Variants in C1orf159 observed in about 807,000 individuals in gnomAD.
C1orf159 encodes the protein chromosome 1 open reading frame 159.
In C1orf159, 19 loss-of-function variants were observed where a neutral mutation model predicts 25.6. That is an observed-to-expected ratio of 0.74 (90% CI 0.52 to 1.09). The LOEUF (loss-of-function observed/expected upper bound fraction) is 1.09, where lower values mean the gene tolerates loss of function less well. Among genes scored for constraint, C1orf159 ranks in the 50% least tolerant of loss-of-function variants. The probability of loss-of-function intolerance (pLI) is 0.00; values close to 1 mark genes in which losing one functional copy is unlikely to be tolerated. For missense variants in C1orf159, 274 were observed against 290.6 expected, an observed-to-expected ratio of 0.94 and a Z score of 0.42; for synonymous variants, 139 against 124.7, an observed-to-expected ratio of 1.12 and a Z score of -0.77.
chr1:1,083,669 C>T (rs1244310793), intron 9 of C1orf159: 1 of 557,904 alleles, frequency 1.8e-6, no homozygotes, highest in East Asian at 3.2e-5. Context: ...GCTGGCAGCC[C>T]CGGGGCACTC....
chr1:1,104,719 C>A (rs1194281609), intron 1 of C1orf159, among the ~76,000 whole-genome samples: 1 of 151,922 alleles, frequency 6.6e-6, no homozygotes, highest in Non-Finnish European at 1.5e-5. Flanking sequence ...TGCTTGAGCC[C>A]AGGAGTTCGA....
chr1:1,107,152 C>G (rs529718328), intron 1 of C1orf159, among the ~76,000 whole-genome samples: 51 of 152,398 alleles, frequency 3.3e-4, no homozygotes, highest in African/African-American at 1.2e-3. Flanking sequence ...GTGTAGCGCA[C>G]GGCACTGGAC....
At position 1,082,096 on chromosome 1, in the gene C1orf159, T is replaced by C; in HGVS notation, c.*797A>G. On this transcript the variant is annotated 3_prime_UTR_variant, in exon 10 of 10. Coordinates refer to ENST00000421241, the MANE Select transcript of C1orf159 (RefSeq NM_017891.5). ...GGAACTCCGGGAGGGACCCCAGGAC[T>C]CAGCGCCAGGGCAGCCTTGGCAGGT... 1 of 152,528 alleles carries C rather than the reference T, an allele frequency of 6.6e-6. No homozygotes were observed. Among genetic ancestry groups the C allele is most frequent in the South Asian group, 2.1e-4 (1 of 4,840 alleles). The allele number at this position is 152,528 out of a possible 1,614,324, so 9.4% of individuals were successfully genotyped here.
At chr1:1,109,923 T>C (rs1409678845) in intron 1 of C1orf159, among the ~76,000 whole-genome samples, 3 of 152,122 alleles carry the variant, frequency 2.0e-5, no homozygotes, top group Non-Finnish European at 2.9e-5. Context: ...GAGGAAGTTA[T>C]GGAAAGTGAC....
intron 9 of C1orf159, 76 bp from the exon 10 acceptor site, chr1:1,083,063 G>A (rs960175013): frequency 2.2e-5 from 28 of 1,270,206 alleles, no homozygotes; most frequent in South Asian, 1.3e-4. Flanking sequence ...AGCCCTCACC[G>A]GAGGCTCTCG....
chr1:1,107,043 A>G (rs1398956095), intron 1 of C1orf159, among the ~76,000 whole-genome samples: 1 of 149,308 alleles, frequency 6.7e-6, no homozygotes, highest in African/African-American at 2.5e-5. Context: ...GGCCCCCCGC[A>G]CCCCCGCCCG....
At chr1:1,084,641 G>A in intron 7 of C1orf159, 135 bp from the exon 8 acceptor site, 3 of 1,128,052 alleles carry the variant, frequency 2.7e-6, no homozygotes, top group Non-Finnish European at 2.5e-6. Flanking sequence ...AGCAGCAGAG[G>A]CCCCGGGGCT....
intron 7 of C1orf159, chr1:1,085,430 G>A (rs750936238): frequency 3.4e-5 from 10 of 294,816 alleles, no homozygotes; most frequent in South Asian, 5.6e-5. Context: ...CGGGGTGACC[G>A]TGTGTACGGC....
At chr1:1,108,762 G>A (rs868763995) in intron 1 of C1orf159, among the ~76,000 whole-genome samples, 2 of 41,812 alleles carry the variant, frequency 4.8e-5, no homozygotes, top group Non-Finnish European at 8.3e-5. Flanking sequence ...CGGCAGCACC[G>A]TTCACCACAG....
chr1:1,091,606 G>C (rs760484235), intron 2 of C1orf159, 41 bp from the exon 3 acceptor site: 4 of 1,429,928 alleles, frequency 2.8e-6, no homozygotes, highest in Non-Finnish European at 3.8e-6. Context: ...GAGATGGAGT[G>C]GGGCTGAGGC....
chr1:1,100,065 T>C (rs1163362076), intron 1 of C1orf159, among the ~76,000 whole-genome samples: 1 of 152,160 alleles, frequency 6.6e-6, no homozygotes, highest in East Asian at 1.9e-4. Flanking sequence ...GTACTAGACT[T>C]TACCTTGGGC....
At position 1,084,064 on chromosome 1, in the gene C1orf159, C is replaced by A. The variant is rs777233023; in HGVS notation, c.502+289G>T. The A allele has an allele frequency of 3.7e-6, 6 of 1,608,784 alleles. No individual in the cohort carries two copies. In the African/African-American group the frequency reaches 4.0e-5, roughly 11 times the overall value. On this transcript the variant is annotated intron_variant, in intron 9 of 9. Coordinates refer to ENST00000421241, the MANE Select transcript of C1orf159 (RefSeq NM_017891.5). ...GGGGTCTGCCCTGTCGTGGTGGGTC[C>A]TCCTTTCCTGCAGACCCCACGTCTC...
At chr1:1,100,284 A>G (rs1283814841) in intron 1 of C1orf159, among the ~76,000 whole-genome samples, 2 of 150,232 alleles carry the variant, frequency 1.3e-5, no homozygotes, top group African/African-American at 2.5e-5. Flanking sequence ...AATATTTAAT[A>G]TAATTACTGT....
rs1234185517 is a variant in C1orf159, at chr1:1,091,169, T to C, written c.72+303A>G. ...CCGCAGCTACACTCCCCGATAGCGA[T>C]GCGCGGCACGCTGTGCTGTCACCGC... On this transcript the variant is annotated intron_variant, in intron 3 of 9. Coordinates refer to ENST00000421241, the MANE Select transcript of C1orf159 (RefSeq NM_017891.5). The C allele has an allele frequency of 8.1e-6, 5 of 617,866 alleles. No homozygotes were observed. The East Asian group carries it at 1.4e-4, about 17-fold the overall frequency. The allele number at this position is 617,866 out of a possible 1,614,324, so 38.3% of individuals were successfully genotyped here. A position where few individuals can be genotyped will look rare whatever the true frequency, so the allele number is the denominator to read the frequency against.
Position 1,085,899 on chromosome 1 carries a change from C to T in C1orf159, c.424G>A (p.Ala142Thr). The change falls in exon 7 of 10, where the codon GCC (alanine) becomes ACC (threonine). Residue 142 changes from alanine to threonine, a missense_variant. Transcript: ENST00000421241. ...YLKRSSKLPR[A>T]CYRRNKAPAL... ...ATACCTTTGTTTCTTCTGTAGCAGGCCCTGGGGAGTTTACTGGAGCGCTTG... is the reference window on the plus strand; with the variant it reads ...ATACCTTTGTTTCTTCTGTAGCAGGTCCTGGGGAGTTTACTGGAGCGCTTG... 6.2e-7 allele frequency: 1 copy of T among 1,613,306 alleles called. No homozygotes were observed.
At chr1:1,085,321 AG>A in intron 7 of C1orf159, 2 of 403,566 alleles carry the variant, frequency 5.0e-6, no homozygotes, top group South Asian at 1.7e-5. Context: ...CTGGACAACG[AG>A]GGCAGGCACC....
intron 7 of C1orf159, among the ~76,000 whole-genome samples, chr1:1,085,600 C>T (rs373882059): frequency 2.0e-5 from 3 of 152,214 alleles, no homozygotes; most frequent in East Asian, 3.9e-4. Context: ...CTGAGGGCCC[C>T]GGGGAGACGC....
At position 1,091,985 on chromosome 1, in the gene C1orf159, C is replaced by T. The variant is rs1454272531; in HGVS notation, c.-23+6G>A. ...CGGGTGGGGCGAGGTGTAGGCAGGG[C>T]CTTACCTGCCCCTCCAGGATGGGGA... On this transcript the variant is annotated splice_donor_region_variant and intron_variant, in intron 2 of 9. Transcript: ENST00000421241. 4.4e-6 allele frequency: 2 copies of T among 458,736 alleles called. No homozygotes were observed. The highest frequency in any genetic ancestry group is 4.0e-5 in the African/African-American group (2 of 50,182). The allele number at this position is 458,736 out of a possible 1,614,324, so 28.4% of individuals were successfully genotyped here.
rs1028847650 is a variant in C1orf159 at position 1,086,937 on chromosome 1, T to C, written c.310+202A>G. On this transcript the variant is annotated intron_variant, in intron 6 of 9. Transcript: ENST00000421241. Reference sequence around the variant, plus strand: ...CCCTAACTACGGCCCTTTAGAGATGTGGCAGAGCCCCCCATGACGCCCCAC... The same window carrying C: ...CCCTAACTACGGCCCTTTAGAGATGCGGCAGAGCCCCCCATGACGCCCCAC... 3.4e-4 allele frequency among the ~76,000 whole-genome samples: 52 copies of C among 152,152 alleles called. 1 individual carries two copies. The highest frequency in any genetic ancestry group is 2.0e-4 in the Admixed American group (3 of 15,278).
Sources: gnomAD v4.1 joint callset for allele counts (sites outside exome capture counted in the v4.1 genomes callset) on GRCh38, gnomAD v4.1.1 for gene constraint, MANE v1.5 for transcripts, NCBI Gene and HGNC (gene_info 2026-07-23, HGNC 2026-07-21) for gene names.